The following RGS7 variants were observed in gnomAD, a reference collection of about 807,000 sequenced individuals.
RGS7 encodes regulator of G-protein signaling 7.
A neutral mutation model predicts 81.1 loss-of-function variants in RGS7; 27 were observed. The observed-to-expected ratio is 0.33, with a 90% CI of 0.25 to 0.46. The LOEUF is 0.46. RGS7 is among the 20% of genes least tolerant of loss of function. The pLI, the probability that RGS7 is intolerant of heterozygous loss-of-function variation, is 1.00. For synonymous variants in RGS7, 208 were observed against 207.7 expected, an observed-to-expected ratio of 1.00 and a Z score of -0.01; for missense variants, 396 against 607.4, an observed-to-expected ratio of 0.65 and a Z score of 3.66.
intron 2 of RGS7, among the ~76,000 whole-genome samples, chr1:241,136,579 C>T (rs1558117847): frequency 6.6e-6 from 1 of 152,172 alleles, no homozygotes; most frequent in Non-Finnish European, 1.5e-5. Context: ...AGTCACAAAG[C>T]TCCTAGGCAC....
At chr1:241,174,781 G>A (rs1377022882) in intron 2 of RGS7, among the ~76,000 whole-genome samples, 1 of 151,928 alleles carries the variant, frequency 6.6e-6, no homozygotes. Context: ...TCTATGAGAG[G>A]TGGTCCTGTG....
intron 2 of RGS7, among the ~76,000 whole-genome samples, chr1:241,247,315 CTA>C (rs2076596436): frequency 6.6e-6 from 1 of 152,158 alleles, no homozygotes; most frequent in Admixed American, 6.5e-5. Flanking sequence ...AATTACAATG[CTA>C]TTATTATTTG....
intron 2 of RGS7, among the ~76,000 whole-genome samples, chr1:241,127,867 AGAG>A (rs1197291703): frequency 6.6e-6 from 1 of 152,224 alleles, no homozygotes; most frequent in Non-Finnish European, 1.5e-5. Flanking sequence ...CAGAAAGATA[AGAG>A]GATGATAAAT....
chr1:241,001,129 TTCA>T (rs1688082025), intron 3 of RGS7, among the ~76,000 whole-genome samples: 1 of 152,168 alleles, frequency 6.6e-6, no homozygotes, highest in African/African-American at 2.4e-5. Flanking sequence ...TGTGTGTGTG[TTCA>T]TGTGTGTGTG....
At chr1:241,175,661 C>T (rs748993312) in intron 2 of RGS7, among the ~76,000 whole-genome samples, 1 of 152,136 alleles carries the variant, frequency 6.6e-6, no homozygotes, top group Non-Finnish European at 1.5e-5. Context: ...TGTGCAGAGC[C>T]ATGGTGGAGG....
chr1:240,805,231 A>T (rs1688658043), intron 15 of RGS7, among the ~76,000 whole-genome samples: 2 of 152,060 alleles, frequency 1.3e-5, no homozygotes, highest in South Asian at 2.1e-4. Context: ...AAAATAAAAA[A>T]AAATTAGCCA....
At chr1:241,136,591 A>C (rs2067532609) in intron 2 of RGS7, among the ~76,000 whole-genome samples, 1 of 152,168 alleles carries the variant, frequency 6.6e-6, no homozygotes, top group Non-Finnish European at 1.5e-5. Context: ...CCTAGGCACC[A>C]CCCACGAAAG....
rs150023626 is a variant in RGS7, at chr1:240,875,341, T to C, written c.386-5222A>G. On this transcript the variant is annotated intron_variant, in intron 6 of 18. Coordinates refer to ENST00000440928, the MANE Select transcript of RGS7 (RefSeq NM_001364886.1). ...AACATAATGTCCTCCAGGCGCATCA[T>C]GTTGCTGCAAATACAAGATTTTTTG... Among the ~76,000 whole-genome samples, 679 of 152,330 alleles carry C rather than the reference T, an allele frequency of 4.5e-3. 4 individuals are homozygous for C. The highest frequency in any genetic ancestry group is 0.016 in the African/African-American group (649 of 41,584).
chr1:241,349,103 A>G (rs532788493), intron 2 of RGS7, among the ~76,000 whole-genome samples: 34 of 152,358 alleles, frequency 2.2e-4, no homozygotes, highest in African/African-American at 8.2e-4. Context: ...ATCCCATTCT[A>G]GCATCAAACA....
chr1:240,939,303 T>G (rs115771027), intron 4 of RGS7, among the ~76,000 whole-genome samples: 1,755 of 152,364 alleles, frequency 0.012, 21 homozygotes, highest in Middle Eastern at 0.044. Flanking sequence ...ATGTTAATTA[T>G]TCTGATTTGA....
chr1:241,074,701 C>T (rs1023186210), intron 3 of RGS7, among the ~76,000 whole-genome samples: 1 of 152,146 alleles, frequency 6.6e-6, no homozygotes, highest in Non-Finnish European at 1.5e-5. Context: ...TCCTCCTCAC[C>T]CTCACTCCAG....
intron 2 of RGS7, among the ~76,000 whole-genome samples, chr1:241,340,805 T>C (rs2082497254): frequency 6.8e-6 from 1 of 147,848 alleles, no homozygotes; most frequent in Non-Finnish European, 1.5e-5. Flanking sequence ...GAGGCTGAAT[T>C]TGGAGGAAAA....
intron 2 of RGS7, among the ~76,000 whole-genome samples, chr1:241,314,740 C>T (rs1215546779): frequency 6.6e-6 from 1 of 152,102 alleles, no homozygotes; most frequent in Non-Finnish European, 1.5e-5. Flanking sequence ...GAGCTGTGGT[C>T]GGGCCCAGAC....
At chr1:241,241,440 T>C (rs927861308) in intron 2 of RGS7, among the ~76,000 whole-genome samples, 2 of 152,090 alleles carry the variant, frequency 1.3e-5, no homozygotes, top group Non-Finnish European at 2.9e-5. Context: ...TAAATTGTTT[T>C]GTGCTGTTTT....
intron 16 of RGS7, 77 bp from the exon 17 acceptor site, chr1:240,801,585 A>G: frequency 3.0e-6 from 3 of 991,904 alleles, no homozygotes; most frequent in Non-Finnish European, 4.8e-6. Flanking sequence ...AGGAAAACAG[A>G]GCAGAAAAAG....
At chr1:241,331,562 C>G (rs2081981967) in intron 2 of RGS7, among the ~76,000 whole-genome samples, 1 of 152,116 alleles carries the variant, frequency 6.6e-6, no homozygotes, top group Non-Finnish European at 1.5e-5. Context: ...TACTTATTCA[C>G]TTGCATACTG....
At chr1:240,831,558 G>A (rs1484428484) in intron 9 of RGS7, among the ~76,000 whole-genome samples, 2 of 150,806 alleles carry the variant, frequency 1.3e-5, no homozygotes, top group Non-Finnish European at 2.9e-5. Flanking sequence ...TGAATAATCA[G>A]AATATGGGAG....
chr1:240,935,298 C>T (rs960934001), intron 5 of RGS7, among the ~76,000 whole-genome samples: 6 of 152,066 alleles, frequency 3.9e-5, no homozygotes, highest in African/African-American at 1.2e-4. Flanking sequence ...AATCAGGAAG[C>T]ATTAGTCACA....
rs10681773 is a variant in RGS7 at position 241,121,710 on chromosome 1, C to CTTTTTTTTT, written c.79-22957_79-22949dup. Among the ~76,000 whole-genome samples the CTTTTTTTTT allele has an allele frequency of 8.1e-4, 54 of 66,404 alleles. 5 individuals carry two copies. Among genetic ancestry groups the CTTTTTTTTT allele is most frequent in the Non-Finnish European group, 1.1e-3 (40 of 37,678 alleles). The allele number at this position is 66,404 out of a possible 152,430, so 43.6% of individuals were successfully genotyped here. On this transcript the variant is annotated intron_variant, in intron 2 of 18. Transcript: ENST00000440928. ...TCTATCCACCTGTGTTGCAATTGTT[C>CTTTTTTTTT]TTTTTTTTTTTTTTTTTTTTTTTTT... is the stretch of plus-strand genomic sequence containing the variant.
Sources: allele counts gnomAD v4.1 joint callset (sites outside exome capture counted in the v4.1 genomes callset), GRCh38; gene constraint gnomAD v4.1.1; transcripts MANE v1.5; gene names NCBI Gene and HGNC (gene_info 2026-07-23, HGNC 2026-07-21).